Variants in MTCL2 observed in about 807,000 individuals in gnomAD.
MTCL2 encodes the protein microtubule crosslinking factor 2, also known as microtubule cross-linking factor 2.
chr20:36,785,761 A>G, the MTCL2 span: 2 of 985,298 alleles, frequency 2.0e-6, no homozygotes, highest in African/African-American at 1.7e-5. Context: ...TTGGCAAGGA[A>G]GGCAATTGCA....
At chr20:36,850,382 C>T in the MTCL2 span, among the ~76,000 whole-genome samples, 5 of 152,070 alleles carry the variant, frequency 3.3e-5, no homozygotes, top group Admixed American at 3.3e-4. Flanking sequence ...AAAAAATTAG[C>T]CGGGCGTGGT....
the MTCL2 span, among the ~76,000 whole-genome samples, chr20:36,792,837 TAG>T: frequency 2.7e-3 from 351 of 130,186 alleles, 3 homozygotes; most frequent in African/African-American, 9.3e-3. Context: ...TATAGATATA[TAG>T]ATAGATAGAT....
chr20:36,781,502 C>G, the MTCL2 span: 1 of 151,818 alleles, frequency 6.6e-6, no homozygotes, highest in Non-Finnish European at 1.5e-5. Context: ...CGCCACTGTA[C>G]TCCAGCCTGA....
At chr20:36,823,093 G>T in the MTCL2 span, among the ~76,000 whole-genome samples, 1 of 152,306 alleles carries the variant, frequency 6.6e-6, no homozygotes, top group Non-Finnish European at 1.5e-5. Context: ...GGGGTTGGGG[G>T]TGTACCTCAA....
the MTCL2 span, among the ~76,000 whole-genome samples, chr20:36,827,021 G>GATTT: frequency 2.5e-4 from 28 of 109,974 alleles, no homozygotes; most frequent in African/African-American, 9.1e-4. Flanking sequence ...TTATCATCCT[G>GATTT]CTTTATTTAT....
chr20:36,805,914 T>G, the MTCL2 span: 4 of 1,613,668 alleles, frequency 2.5e-6, 1 homozygote, highest in South Asian at 4.4e-5. Flanking sequence ...AGCGTTTATC[T>G]CCTCTTCCTC....
At chr20:36,805,040 C>G in the MTCL2 span, 1 of 914,672 alleles carries the variant, frequency 1.1e-6, no homozygotes, top group South Asian at 1.7e-5. Flanking sequence ...CCTAGGTCAT[C>G]TCACCCATAA....
At chr20:36,796,451 T>C in the MTCL2 span, among the ~76,000 whole-genome samples, 659 of 152,304 alleles carry the variant, frequency 4.3e-3, 7 homozygotes, top group African/African-American at 0.015. Flanking sequence ...ACGTGGTCCT[T>C]ATGGTCTTGG....
the MTCL2 span, among the ~76,000 whole-genome samples, chr20:36,841,878 T>TGG: frequency 1.3e-5 from 1 of 76,480 alleles, no homozygotes; most frequent in Non-Finnish European, 3.3e-5. Flanking sequence ...GGGTGGGGTG[T>TGG]GTGTGTGTGT....
chr20:36,835,543 G>A, the MTCL2 span, among the ~76,000 whole-genome samples: 1 of 152,106 alleles, frequency 6.6e-6, no homozygotes, highest in Non-Finnish European at 1.5e-5. Context: ...CCTAGGCAGC[G>A]CCCGCCCCCT....
the MTCL2 span, chr20:36,817,441 G>A: frequency 2.0e-5 from 31 of 1,588,686 alleles, no homozygotes; most frequent in Admixed American, 7.1e-5. Context: ...CTTCCCCAGG[G>A]AGCGGGTTCC....
At chr20:36,840,030 T>C in the MTCL2 span, among the ~76,000 whole-genome samples, 1 of 152,240 alleles carries the variant, frequency 6.6e-6, no homozygotes, top group Admixed American at 6.5e-5. Flanking sequence ...ACCCAGCTGA[T>C]TTTTTATATT....
the MTCL2 span, among the ~76,000 whole-genome samples, chr20:36,845,246 T>C: frequency 6.6e-6 from 1 of 152,180 alleles, no homozygotes; most frequent in Non-Finnish European, 1.5e-5. Flanking sequence ...CTTCTAGTTA[T>C]TTCCCCCCCT....
chr20:36,804,770 T>A, the MTCL2 span: 1 of 1,613,942 alleles, frequency 6.2e-7, no homozygotes, highest in South Asian at 1.1e-5. Flanking sequence ...GCCCGCTCTG[T>A]CTCCCAGGTA....
At chr20:36,851,837 G>A in the MTCL2 span, among the ~76,000 whole-genome samples, 1 of 152,136 alleles carries the variant, frequency 6.6e-6, no homozygotes, top group African/African-American at 2.4e-5. Flanking sequence ...AAGAGGTGCT[G>A]AATGAATACA....
At chr20:36,856,313 C>T in the MTCL2 span, among the ~76,000 whole-genome samples, 2 of 152,214 alleles carry the variant, frequency 1.3e-5, no homozygotes, top group Non-Finnish European at 2.9e-5. Flanking sequence ...CAAGTCCCTC[C>T]TCTGAGCTCC....
At chr20:36,784,724 G>C in the MTCL2 span, 130 of 985,412 alleles carry the variant, frequency 1.3e-4, no homozygotes, top group Non-Finnish European at 1.4e-4. Context: ...CAGCTCACAG[G>C]GGACGTGAGG....
the MTCL2 span, among the ~76,000 whole-genome samples, chr20:36,789,988 ATTTTTTTTT>A: frequency 9.0e-6 from 1 of 110,736 alleles, no homozygotes; most frequent in Admixed American, 9.0e-5. Flanking sequence ...TAATTTTTGT[ATTTTTTTTT>A]TTTTTTTTTT....
the MTCL2 span, among the ~76,000 whole-genome samples, chr20:36,821,149 G>A: frequency 1.3e-5 from 2 of 152,230 alleles, no homozygotes; most frequent in Non-Finnish European, 2.9e-5. Flanking sequence ...GTCCTTGGAG[G>A]TATGCTAGGC....
Sources: allele counts gnomAD v4.1 joint callset (sites outside exome capture counted in the v4.1 genomes callset), GRCh38; gene constraint gnomAD v4.1.1; transcripts MANE v1.5; gene names NCBI Gene and HGNC (gene_info 2026-07-23, HGNC 2026-07-21).